Variants in HOMER1 observed in about 807,000 individuals in gnomAD.
HOMER1 encodes homer scaffold protein 1.
Under a neutral mutation model 48.9 loss-of-function variants are expected in HOMER1, and 3 were observed. That is an observed-to-expected ratio of 0.06 (90% CI 0.03 to 0.16). The LOEUF is 0.16. Among genes scored for constraint, HOMER1 ranks in the 10% least tolerant of loss-of-function variants. The pLI is 1.00. For synonymous variants in HOMER1, 134 were observed against 146.4 expected (o/e 0.92, Z 0.61); for missense variants, 247 against 411.4 (o/e 0.60, Z 3.46).
intron 4 of HOMER1, among the ~76,000 whole-genome samples, chr5:79,439,401 A>C (rs1750682605): frequency 6.6e-6 from 1 of 152,228 alleles, no homozygotes; most frequent in Non-Finnish European, 1.5e-5. Flanking sequence ...TTAGAAACGG[A>C]AATATAACAC....
At chr5:79,425,087 C>T (rs73120367) in intron 5 of HOMER1, among the ~76,000 whole-genome samples, 477 of 152,036 alleles carry the variant, frequency 3.1e-3, no homozygotes, top group African/African-American at 0.011. Context: ...TTTCATGTTT[C>T]TTCCATGTTA....
At chr5:79,432,947 T>G (rs576462628) in intron 5 of HOMER1, among the ~76,000 whole-genome samples, 1 of 152,304 alleles carries the variant, frequency 6.6e-6, no homozygotes, top group East Asian at 1.9e-4. Context: ...TGAGGTTTGA[T>G]AGTGGAGGAA....
intron 1 of HOMER1, among the ~76,000 whole-genome samples, chr5:79,461,133 C>G (rs1048666199): frequency 2.0e-5 from 3 of 152,134 alleles, no homozygotes; most frequent in Admixed American, 2.0e-4. Flanking sequence ...TGTTTCAATA[C>G]TAAGCATGTC....
chr5:79,499,062 C>A (rs901256673), intron 1 of HOMER1, among the ~76,000 whole-genome samples: 1 of 152,040 alleles, frequency 6.6e-6, no homozygotes, highest in African/African-American at 2.4e-5. Flanking sequence ...TCTTGATCTC[C>A]TGATCTTGTG....
At chr5:79,476,121 T>C (rs76089640) in intron 1 of HOMER1, among the ~76,000 whole-genome samples, 1 of 152,186 alleles carries the variant, frequency 6.6e-6, no homozygotes, top group Non-Finnish European at 1.5e-5. Flanking sequence ...AATCCAGTCA[T>C]CAACATTGCT....
chr5:79,455,428 G>C (rs1460037601), intron 2 of HOMER1, among the ~76,000 whole-genome samples: 4 of 152,100 alleles, frequency 2.6e-5, no homozygotes, highest in African/African-American at 9.7e-5. Context: ...AGATCTGATG[G>C]TTTTATACGC....
chr5:79,420,952 T>C (rs1221052939), intron 5 of HOMER1, among the ~76,000 whole-genome samples: 1 of 152,196 alleles, frequency 6.6e-6, no homozygotes, highest in Non-Finnish European at 1.5e-5. Context: ...CTCATGGTGA[T>C]TTTAGATGCA....
At chr5:79,478,272 A>G (rs1275634739) in intron 1 of HOMER1, among the ~76,000 whole-genome samples, 11 of 152,224 alleles carry the variant, frequency 7.2e-5, no homozygotes, top group Non-Finnish European at 1.5e-4. Flanking sequence ...AAGAAATAAT[A>G]CCTTTATGCA....
At chr5:79,499,193 TTCTGG>T (rs1292343710) in intron 1 of HOMER1, among the ~76,000 whole-genome samples, 1 of 152,172 alleles carries the variant, frequency 6.6e-6, no homozygotes, top group African/African-American at 2.4e-5. Context: ...AGCTTTCTTT[TTCTGG>T]TCTGAACTCT....
intron 1 of HOMER1, among the ~76,000 whole-genome samples, chr5:79,464,620 C>A (rs986909018): frequency 1.3e-5 from 2 of 152,168 alleles, no homozygotes; most frequent in African/African-American, 2.4e-5. Context: ...TGAAACTCCA[C>A]ACGATTATCA....
intron 1 of HOMER1, among the ~76,000 whole-genome samples, chr5:79,458,744 C>T (rs1751238352): frequency 6.6e-6 from 1 of 152,136 alleles, no homozygotes; most frequent in Admixed American, 6.5e-5. Flanking sequence ...GGAGCCATTA[C>T]TTCTTGTTTA....
chr5:79,391,529 A>C (rs1393787405), intron 8 of HOMER1, among the ~76,000 whole-genome samples: 2 of 151,788 alleles, frequency 1.3e-5, no homozygotes, highest in Non-Finnish European at 2.9e-5. Context: ...CAGATCACGA[A>C]GTCAGGAGAT....
chr5:79,491,698 G>A (rs546947799), intron 1 of HOMER1, among the ~76,000 whole-genome samples: 3 of 152,084 alleles, frequency 2.0e-5, no homozygotes, highest in Non-Finnish European at 4.4e-5. Context: ...TCAATTGGTT[G>A]TTTTCCTTAT....
At chr5:79,414,616 T>C (rs189344830) in intron 5 of HOMER1, among the ~76,000 whole-genome samples, 20 of 152,264 alleles carry the variant, frequency 1.3e-4, no homozygotes, top group Non-Finnish European at 2.8e-4. Context: ...TGGACTCAAA[T>C]GATCCTCCTG....
In HOMER1 at chr5:79,435,793, T is replaced by C. The variant is rs1361262476; in HGVS notation, c.527+3217A>G. On this transcript the variant is annotated intron_variant, in intron 5 of 8. Coordinates refer to ENST00000334082, the MANE Select transcript of HOMER1 (RefSeq NM_004272.5). The stretch of plus-strand genomic sequence containing the variant: ...TTGCAGTGAGCCAAGATTGAGCCAT[T>C]GCACTCCAGCCTGGGCAACAGAGTG... Among the ~76,000 whole-genome samples, 5 of 150,928 alleles carry C rather than the reference T, an allele frequency of 3.3e-5. No individual in the cohort carries two copies. In the South Asian group the frequency reaches 1.0e-3, roughly 32 times the overall value.
intron 5 of HOMER1, among the ~76,000 whole-genome samples, chr5:79,424,987 A>T (rs1750201417): frequency 6.6e-6 from 1 of 152,098 alleles, no homozygotes. Flanking sequence ...AGGCATACAC[A>T]GGAATCCAAG....
chr5:79,508,561 A>T (rs1484499320), intron 1 of HOMER1, among the ~76,000 whole-genome samples: 1 of 152,200 alleles, frequency 6.6e-6, no homozygotes, highest in East Asian at 1.9e-4. Context: ...CAAGCAAACA[A>T]GCTTGTCATG....
intron 1 of HOMER1, among the ~76,000 whole-genome samples, chr5:79,470,510 C>T (rs1442687409): frequency 1.3e-5 from 2 of 152,146 alleles, no homozygotes; most frequent in African/African-American, 4.8e-5. Context: ...ATGAAAACAG[C>T]ACTCCTGAGT....
intron 5 of HOMER1, among the ~76,000 whole-genome samples, chr5:79,409,960 C>T (rs990900099): frequency 6.6e-6 from 1 of 152,172 alleles, no homozygotes; most frequent in Non-Finnish European, 1.5e-5. Flanking sequence ...AACAGTATGG[C>T]TGTTCCTCAA....
Sources: allele counts gnomAD v4.1 joint callset (sites outside exome capture counted in the v4.1 genomes callset), GRCh38; gene constraint gnomAD v4.1.1; transcripts MANE v1.5; gene names NCBI Gene and HGNC (gene_info 2026-07-23, HGNC 2026-07-21).